The following TMC1 variants were observed in gnomAD, a reference collection of about 807,000 sequenced individuals.
TMC1 encodes the protein transmembrane channel-like protein 1.
In TMC1, 84 loss-of-function variants were observed where a neutral mutation model predicts 105.8. That is an observed-to-expected ratio of 0.79 (90% CI 0.67 to 0.95). The LOEUF (loss-of-function observed/expected upper bound fraction) is 0.95. Ranked by LOEUF, TMC1 falls within the 40% of genes least tolerant of loss-of-function variation. The probability of loss-of-function intolerance (pLI) is 0.00; values close to 1 mark genes in which losing one functional copy is unlikely to be tolerated. For missense variants in TMC1, 817 were observed against 914.1 expected, an observed-to-expected ratio of 0.89 and a Z score of 1.37; for synonymous variants, 315 against 311.5, an observed-to-expected ratio of 1.01 and a Z score of -0.12.
rs1391582537 is a variant in TMC1, at chr9:72,805,689, C to T, written c.1695+179C>T. 2.6e-5 allele frequency among the ~76,000 whole-genome samples: 4 copies of T among 151,522 alleles called. No homozygotes were observed. In the East Asian group the frequency reaches 5.8e-4, roughly 22 times the overall value. ...TGGTTTTCCTAGGCAGAGGACCCTG[C>T]GGCCTTCCGCAGTGTTTGTGTCCCT... On this transcript the variant is annotated intron_variant, in intron 18 of 23. Coordinates refer to ENST00000297784, the MANE Select transcript of TMC1 (RefSeq NM_138691.3).
chr9:72,636,725 G>A (rs868157974), intron 4 of TMC1, among the ~76,000 whole-genome samples: 3 of 88,802 alleles, frequency 3.4e-5, no homozygotes, highest in East Asian at 3.3e-4. Context: ...AAAAAAAAAA[G>A]GATTCAGCAA....
intron 5 of TMC1, among the ~76,000 whole-genome samples, chr9:72,676,774 A>T (rs1264011670): frequency 6.6e-6 from 1 of 152,136 alleles, no homozygotes; most frequent in Non-Finnish European, 1.5e-5. Context: ...GTACTAGGCC[A>T]GTCAGGACAA....
chr9:72,788,365 G>T lies in TMC1; in HGVS notation c.911G>T (p.Gly304Val). 1 of 1,613,956 alleles carries T rather than the reference G, an allele frequency of 6.2e-7. No homozygotes were observed. The highest frequency in any genetic ancestry group is 8.5e-7 in the Non-Finnish European group (1 of 1,179,922). ...KAMTKNIGDDGGGDDNTFNFS... is the reference protein window; with the variant it reads ...KAMTKNIGDDVGGDDNTFNFS... ...ATGACCAAAAACATTGGTGATGATG[G>T]AGGTGGAGATGACAACACTTTCAAT... The change falls in exon 14 of 24, where the codon GGA (glycine) becomes GTA (valine). Residue 304 changes from glycine (G) to valine (V), a missense_variant. Transcript: ENST00000297784.
chr9:72,702,293 C>G (rs1826658586), intron 8 of TMC1, among the ~76,000 whole-genome samples: 1 of 152,062 alleles, frequency 6.6e-6, no homozygotes, highest in African/African-American at 2.4e-5. Context: ...TAGAAATACC[C>G]CCCTGGTCTT....
intron 2 of TMC1, among the ~76,000 whole-genome samples, chr9:72,583,281 A>C (rs1824501835): frequency 6.6e-6 from 1 of 152,166 alleles, no homozygotes. Flanking sequence ...AACCCCAAAT[A>C]AACAGACAAA....
chr9:72,678,694 T>C (rs756213418), intron 5 of TMC1, among the ~76,000 whole-genome samples: 9 of 152,106 alleles, frequency 5.9e-5, no homozygotes, highest in Non-Finnish European at 1.2e-4. Context: ...ATATTTATTA[T>C]GTTTTTCATA....
chr9:72,538,155 GAAA>G (rs35243551), intron 1 of TMC1, among the ~76,000 whole-genome samples: 12 of 124,414 alleles, frequency 9.6e-5, no homozygotes, highest in Non-Finnish European at 1.0e-4. Flanking sequence ...GACCCTGTCT[GAAA>G]AAAAAAAAAA....
chr9:72,781,403 G>A (rs2118155276), intron 13 of TMC1, among the ~76,000 whole-genome samples: 1 of 152,026 alleles, frequency 6.6e-6, no homozygotes, highest in Non-Finnish European at 1.5e-5. Flanking sequence ...CACATGTAGA[G>A]AAACCAGAGA....
intron 10 of TMC1, among the ~76,000 whole-genome samples, chr9:72,749,105 G>T (rs1317603344): frequency 1.3e-5 from 2 of 152,170 alleles, no homozygotes; most frequent in African/African-American, 4.8e-5. Context: ...GATACTTTCT[G>T]AAACATCTTA....
chr9:72,772,429 C>G lies in TMC1; in HGVS notation c.758C>G (p.Ser253Cys). The change falls in exon 13 of 24, where the codon TCC becomes TGC. Residue 253 changes from serine (S) to cysteine (C), a missense_variant. By Grantham distance (112) the Ser-to-Cys change is moderately radical. Transcript: ENST00000297784. ...GGATTTCAGGGTTTGGCACAATATTCCGTTCTCTTTTATGGCTATTATGAC... is the reference window on the plus strand; with the variant it reads ...GGATTTCAGGGTTTGGCACAATATTGCGTTCTCTTTTATGGCTATTATGAC... Reference protein sequence around the residue: ...LYDFNGLAQYSVLFYGYYDNK... With the variant: ...LYDFNGLAQYCVLFYGYYDNK... 5 of 1,613,884 alleles carry G rather than the reference C, an allele frequency of 3.1e-6. No homozygotes were observed. Among genetic ancestry groups the G allele is most frequent in the Admixed American group, 1.7e-5 (1 of 60,012 alleles).
intron 1 of TMC1, among the ~76,000 whole-genome samples, chr9:72,523,754 T>G (rs1430642448): frequency 6.6e-6 from 1 of 151,890 alleles, no homozygotes; most frequent in Non-Finnish European, 1.5e-5. Flanking sequence ...AAAGAAATCT[T>G]CATATGAGTG....
At chr9:72,538,350 G>A (rs1282630330) in intron 1 of TMC1, among the ~76,000 whole-genome samples, 1 of 151,924 alleles carries the variant, frequency 6.6e-6, no homozygotes, top group East Asian at 1.9e-4. Context: ...CAACATTGCA[G>A]GGCCTTTTCA....
chr9:72,770,053 G>T (rs1406931469), intron 12 of TMC1, among the ~76,000 whole-genome samples: 1 of 152,056 alleles, frequency 6.6e-6, no homozygotes, highest in Non-Finnish European at 1.5e-5. Flanking sequence ...TCATGCACCT[G>T]GGAGCTGGGA....
intron 15 of TMC1, among the ~76,000 whole-genome samples, chr9:72,791,199 C>G (rs1287336767): frequency 6.6e-6 from 1 of 151,810 alleles, no homozygotes; most frequent in African/African-American, 2.4e-5. Context: ...CTTTCTCTCT[C>G]CCCCCTCTCC....
In TMC1 at chr9:72,675,358, T is replaced by C. The variant is rs1564483632; in HGVS notation, c.17-13351T>C. Among the ~76,000 whole-genome samples the C allele has an allele frequency of 3.9e-5, 6 of 152,148 alleles. No homozygotes were observed. In the South Asian group the frequency reaches 1.0e-3, roughly 26 times the overall value. On this transcript the variant is annotated intron_variant, in intron 5 of 23. Transcript: ENST00000297784. The stretch of plus-strand genomic sequence containing the variant: ...TGAAAAATATATGATATTGAATTTC[T>C]AAAAATGGGTTTAGTGTAGTCTAGT...
chr9:72,624,782 T>G (rs1159957934), intron 3 of TMC1, among the ~76,000 whole-genome samples: 2 of 152,210 alleles, frequency 1.3e-5, no homozygotes, highest in African/African-American at 4.8e-5. Flanking sequence ...ATAACTCACC[T>G]GCAATGTGTT....
chr9:72,718,503 T>A (rs1826961046), intron 8 of TMC1, among the ~76,000 whole-genome samples: 1 of 152,324 alleles, frequency 6.6e-6, no homozygotes, highest in Admixed American at 6.5e-5. Flanking sequence ...GTGGAGCTAC[T>A]GGTCTCTGGG....
intron 4 of TMC1, among the ~76,000 whole-genome samples, chr9:72,634,863 A>G (rs1393516105): frequency 6.6e-6 from 1 of 152,244 alleles, no homozygotes; most frequent in African/African-American, 2.4e-5. Context: ...AGAGAGGCAT[A>G]GGGCAAGGTA....
At chr9:72,539,289 C>T (rs1297982251) in intron 1 of TMC1, among the ~76,000 whole-genome samples, 1 of 151,874 alleles carries the variant, frequency 6.6e-6, no homozygotes, top group Non-Finnish European at 1.5e-5. Flanking sequence ...GCTTGTAGTC[C>T]CAGTTACTCG....
Sources: allele counts gnomAD v4.1 joint callset (sites outside exome capture counted in the v4.1 genomes callset), GRCh38; gene constraint gnomAD v4.1.1; transcripts MANE v1.5; gene names NCBI Gene and HGNC (gene_info 2026-07-23, HGNC 2026-07-21).